PRRG2: variants seen among roughly 807,000 people sequenced by gnomAD.
The protein encoded by PRRG2 is proline rich and Gla domain 2, also known as transmembrane gamma-carboxyglutamic acid protein 2.
PRRG2 carries 23 observed loss-of-function variants against 27.1 expected under a neutral mutation model. That is an observed-to-expected ratio of 0.85 (90% CI 0.61 to 1.20). The LOEUF is 1.20. PRRG2 is among the 50% of genes most tolerant of loss of function. PRRG2 has a pLI of 0.00. For missense variants in PRRG2, 276 were observed against 254.8 expected, an observed-to-expected ratio of 1.08 and a Z score of -0.57; for synonymous variants, 104 against 103.4, an observed-to-expected ratio of 1.01 and a Z score of -0.03.
chr19:49,581,444 A>G lies in PRRG2; in HGVS notation c.-51A>G, dbSNP rs1262122980. 1 of 151,988 alleles carries G rather than the reference A, an allele frequency of 6.6e-6. No individual in the cohort carries two copies. The highest frequency in any genetic ancestry group is 1.5e-5 in the Non-Finnish European group (1 of 68,048). 9.4% of individuals were successfully genotyped at this position (151,988 alleles called of 1,614,324 possible). The stretch of plus-strand genomic sequence containing the variant: ...GCTGTAGCTGGCCAAGGAGTTCTCG[A>G]TTAAAGAGGAAGGGGCAGTGCTCAC... On this transcript the variant is annotated 5_prime_UTR_variant, in exon 1 of 7. Coordinates refer to ENST00000246794, the MANE Select transcript of PRRG2 (RefSeq NM_000951.3).
chr19:49,580,809 G>A (rs937441948), upstream of PRRG2: 1 of 152,096 alleles, frequency 6.6e-6, no homozygotes, highest in Non-Finnish European at 1.5e-5. Flanking sequence ...TTCCTGCTTG[G>A]TTCCCAGGTT....
Position 49,583,571 on chromosome 19 carries a change from A to C in PRRG2, c.115A>C (p.Ser39Arg), listed in dbSNP as rs1183580131. The change falls in exon 3 of 7, where the codon AGC (serine) becomes CGC (arginine). Residue 39 changes from serine to arginine, a missense_variant. Ser to Arg is a moderately radical substitution (Grantham distance 110). Coordinates refer to ENST00000246794, the MANE Select transcript of PRRG2 (RefSeq NM_000951.3). ...CTTCCTGGGTCCCCCAGAGGCCCAG[A>C]GCTTCCTGAGTAGCCATACCCGGAT... ...EVFLGPPEAQ[S>R]FLSSHTRIPR... 6.2e-7 allele frequency: 1 copy of C among 1,614,014 alleles called. No individual in the cohort carries two copies. Among genetic ancestry groups the C allele is most frequent in the Non-Finnish European group, 8.5e-7 (1 of 1,180,036 alleles).
At chr19:49,583,185 G>A (rs1317272407) in intron 1 of PRRG2, 22 bp from the exon 2 acceptor site, 54 of 1,595,508 alleles carry the variant, frequency 3.4e-5, no homozygotes, top group Non-Finnish European at 4.5e-5. Flanking sequence ...GCCCTTGTCA[G>A]CTGTAACAAA....
At position 49,590,005 on chromosome 19, in the gene PRRG2, G is replaced by A; in HGVS notation, c.543G>A (p.Ala181=). 6.5e-7 allele frequency: 1 copy of A among 1,531,392 alleles called. No homozygotes were observed. The highest frequency in any genetic ancestry group is 8.7e-7 in the Non-Finnish European group (1 of 1,144,624). The allele number at this position is 1,531,392 out of a possible 1,614,324, so 94.9% of individuals were successfully genotyped here. Residue 181 remains alanine, a synonymous_variant, in exon 6 of 7, where the codon GCG becomes GCA. Coordinates refer to ENST00000246794, the MANE Select transcript of PRRG2 (RefSeq NM_000951.3). ...CAGGCCTCCCCACCTATGAGCAGGC[G>A]CTGGCAGCCTCTGGGGTACACGACG... ...PPPGLPTYEQ[A]LAASGVHDAP...
At chr19:49,585,227 GACCCAA>G (rs1309716289) in intron 4 of PRRG2, among the ~76,000 whole-genome samples, 3 of 152,152 alleles carry the variant, frequency 2.0e-5, no homozygotes, top group Admixed American at 2.0e-4. Flanking sequence ...CAGGCTCCAG[GACCCAA>G]GGCCTTCTGC....
intron 4 of PRRG2, among the ~76,000 whole-genome samples, chr19:49,587,918 C>G (rs2080683309): frequency 6.6e-6 from 1 of 151,740 alleles, no homozygotes; most frequent in African/African-American, 2.4e-5. Context: ...CACACCTGGC[C>G]AGGACATAGT....
intron 1 of PRRG2, among the ~76,000 whole-genome samples, chr19:49,581,808 G>C (rs147984831): frequency 2.0e-5 from 3 of 152,278 alleles, no homozygotes; most frequent in East Asian, 1.9e-4. Flanking sequence ...AAGATAAGCT[G>C]CCTGCTCCTT....
chr19:49,583,168 G>C, intron 1 of PRRG2, 39 bp from the exon 2 acceptor site: 1 of 1,547,142 alleles, frequency 6.5e-7, no homozygotes, highest in Non-Finnish European at 8.9e-7. Context: ...ATTACCCAGG[G>C]ACTAAGGCCC....
At position 49,590,587 on chromosome 19, in the gene PRRG2, C is replaced by T. The variant is rs559665168; in HGVS notation, c.*198C>T. On this transcript the variant is annotated 3_prime_UTR_variant, in exon 7 of 7. Transcript: ENST00000246794. ...ATACACATGTTTTCGGCAACGTGTT[C>T]CCGTGTCCTGGCCCCTCACGGGCCC... The T allele has an allele frequency of 2.8e-6, 2 of 713,432 alleles. No homozygotes were observed. The highest frequency in any genetic ancestry group is 1.8e-5 in the South Asian group (1 of 55,924). 44.2% of individuals were successfully genotyped at this position (713,432 alleles called of 1,614,324 possible).
intron 4 of PRRG2, 114 bp downstream of exon 4, chr19:49,584,066 A>G (rs1450132925): frequency 7.8e-6 from 9 of 1,151,968 alleles, no homozygotes; most frequent in Middle Eastern, 2.7e-4. Context: ...CTGCCCCCCA[A>G]TTCTGTGCTC....
chr19:49,590,454 G>A lies in PRRG2; in HGVS notation c.*65G>A. The A allele has an allele frequency of 6.2e-7, 1 of 1,606,290 alleles. No homozygotes were observed. The highest frequency in any genetic ancestry group is 8.5e-7 in the Non-Finnish European group (1 of 1,174,022). On this transcript the variant is annotated 3_prime_UTR_variant, in exon 7 of 7. Coordinates refer to ENST00000246794, the MANE Select transcript of PRRG2 (RefSeq NM_000951.3). Reference sequence around the variant, plus strand: ...TGATTCATACCGGATTCCGGAAGCCGCTAGGCCTCATAGACGCCGAAGCTG... The same window carrying A: ...TGATTCATACCGGATTCCGGAAGCCACTAGGCCTCATAGACGCCGAAGCTG...
chr19:49,589,923 G>A lies in PRRG2; in HGVS notation c.461G>A (p.Ser154Asn), dbSNP rs116604859. 3 of 1,612,432 alleles carry A rather than the reference G, an allele frequency of 1.9e-6. No homozygotes were observed. In the African/African-American group the frequency reaches 4.0e-5, roughly 22 times the overall value. ...AGGGCCGGGCTCATTAGCCCTCTGAGTCCTTTGAACCCTCTGGGCCCACCG... is the reference window on the plus strand; with the variant it reads ...AGGGCCGGGCTCATTAGCCCTCTGAATCCTTTGAACCCTCTGGGCCCACCG... The part of the protein sequence containing the change: ...PQEAGLISPL[S>N]PLNPLGPPTP... Residue 154 changes from serine to asparagine, a missense_variant, in exon 6 of 7, where the codon AGT becomes AAT. Physicochemically the swap from Ser to Asn is conservative, Grantham distance 46. Coordinates refer to ENST00000246794, the MANE Select transcript of PRRG2 (RefSeq NM_000951.3).
At chr19:49,590,085 C>T (rs755674168) in intron 6 of PRRG2, 33 bp downstream of exon 6, 9 of 1,457,698 alleles carry the variant, frequency 6.2e-6, no homozygotes, top group Middle Eastern at 2.5e-4. Context: ...GGGGGCGGGG[C>T]GCAGAGGGGT....
intron 4 of PRRG2, among the ~76,000 whole-genome samples, chr19:49,585,696 G>T (rs1271177670): frequency 6.6e-6 from 1 of 152,110 alleles, no homozygotes; most frequent in Admixed American, 6.6e-5. Flanking sequence ...TACTCAGGCG[G>T]CTGAGGCACA....
chr19:49,588,112 C>T (rs1420007636), intron 4 of PRRG2, among the ~76,000 whole-genome samples: 1 of 151,756 alleles, frequency 6.6e-6, no homozygotes, highest in Non-Finnish European at 1.5e-5. Context: ...CAGGCATATA[C>T]CACCATGCCT....
intron 1 of PRRG2, among the ~76,000 whole-genome samples, chr19:49,582,482 C>A (rs770771042): frequency 3.3e-5 from 5 of 151,826 alleles, no homozygotes; most frequent in Non-Finnish European, 1.5e-5. Context: ...GAGTTGAGGC[C>A]GGGCACAGTG....
In PRRG2 at chr19:49,590,937, A is replaced by G. The variant is rs2080717374; in HGVS notation, c.*548A>G. ...GGAGTTGAGCTGTTCCCCTAAATAA[A>G]AACCCTTCGGAAAGGAGACCAAAAA... On this transcript the variant is annotated 3_prime_UTR_variant, in exon 7 of 7. Transcript: ENST00000246794. The G allele has an allele frequency of 6.5e-6, 1 of 154,440 alleles. No homozygotes were observed. Among genetic ancestry groups the G allele is most frequent in the South Asian group, 1.8e-4 (1 of 5,460 alleles). The allele number at this position is 154,440 out of a possible 1,614,324, so 9.6% of individuals were successfully genotyped here.
At position 49,589,930 on chromosome 19, in the gene PRRG2, G is replaced by A; in HGVS notation, c.468G>A (p.Leu156=). The change falls in exon 6 of 7, where the codon TTG becomes TTA. Residue 156 remains leucine (L), a synonymous_variant. Coordinates refer to ENST00000246794, the MANE Select transcript of PRRG2 (RefSeq NM_000951.3). ...EAGLISPLSP[L]NPLGPPTPLP... is the part of the protein sequence containing the mutation. Reference sequence around the variant, plus strand: ...GGCTCATTAGCCCTCTGAGTCCTTTGAACCCTCTGGGCCCACCGACGCCCC... The same window carrying A: ...GGCTCATTAGCCCTCTGAGTCCTTTAAACCCTCTGGGCCCACCGACGCCCC... The A allele has an allele frequency of 6.2e-7, 1 of 1,611,736 alleles. No individual in the cohort carries two copies. Among genetic ancestry groups the A allele is most frequent in the Non-Finnish European group, 8.5e-7 (1 of 1,179,920 alleles).
intron 6 of PRRG2, 108 bp downstream of exon 6, chr19:49,590,160 G>A: frequency 7.2e-7 from 1 of 1,396,130 alleles, no homozygotes; most frequent in Non-Finnish European, 9.5e-7. Context: ...TCTTACCTGG[G>A]GCGGGGCTTG....
Sources: gnomAD v4.1 joint callset for allele counts (sites outside exome capture counted in the v4.1 genomes callset) on GRCh38, gnomAD v4.1.1 for gene constraint, MANE v1.5 for transcripts, NCBI Gene and HGNC (gene_info 2026-07-23, HGNC 2026-07-21) for gene names.